The following STRA6 variants were observed in gnomAD, a reference collection of about 807,000 sequenced individuals.
STRA6 encodes the protein signaling receptor and transporter of retinol STRA6.
STRA6 carries 48 observed loss-of-function variants against 83.6 expected under a neutral mutation model. The ratio of observed to expected loss-of-function variants is 0.57; its 90% CI spans 0.46 to 0.73. The LOEUF (loss-of-function observed/expected upper bound fraction) is 0.73, where lower values mean the gene tolerates loss of function less well. Ranked by LOEUF, STRA6 falls within the 30% of genes least tolerant of loss-of-function variation. The probability of loss-of-function intolerance (pLI) is 0.00; values close to 1 mark genes in which losing one functional copy is unlikely to be tolerated. For missense variants in STRA6, 760 were observed against 838.8 expected, an observed-to-expected ratio of 0.91 and a Z score of 1.16; for synonymous variants, 353 against 362.3, an observed-to-expected ratio of 0.97 and a Z score of 0.29.
At chr15:74,209,283 A>C (rs1041310545), upstream of STRA6, 1 of 1,329,224 alleles carries the variant, frequency 7.5e-7, no homozygotes, top group Non-Finnish European at 1.0e-6. Flanking sequence ...ACCTCAGTGG[A>C]GAAGCCTGCA....
rs1433785895 is a variant in STRA6, at chr15:74,193,850, G to C, written c.670C>G (p.Pro224Ala). Residue 224 changes from proline to alanine, a missense_variant, in exon 8 of 19, where the codon CCT becomes GCT. Physicochemically the swap from Pro to Ala is conservative, Grantham distance 27. Coordinates refer to ENST00000395105, the MANE Select transcript of STRA6 (RefSeq NM_022369.4). ...LGLGFLSLWY[P>A]VQLVRSFSRR... ...CTGAAGCTTCTCACCAGCTGCACAG[G>C]GTACCAAAGGCTCAGGAATCCGAGG... The C allele has an allele frequency of 2.5e-6, 4 of 1,613,810 alleles. No homozygotes were observed. The African/African-American group carries it at 5.3e-5, about 22-fold the overall frequency.
chr15:74,184,921 C>A (rs1405251287), intron 13 of STRA6, 59 bp downstream of exon 13: 12 of 1,565,100 alleles, frequency 7.7e-6, no homozygotes, highest in Non-Finnish European at 1.1e-5. Context: ...CCCGCAGGCC[C>A]ACAGGACTCC....
At chr15:74,202,465 G>A (rs2074120495) in intron 1 of STRA6, 183 bp from the exon 2 acceptor site, 1 of 1,535,986 alleles carries the variant, frequency 6.5e-7, no homozygotes. Flanking sequence ...GCCTGAGCAA[G>A]CTGGCACGGG....
At chr15:74,182,736 C>G (rs374100216) in intron 14 of STRA6, 8 of 456,358 alleles carry the variant, frequency 1.8e-5, no homozygotes, top group African/African-American at 1.2e-4. Flanking sequence ...TCACAAAATA[C>G]TTTGCAAATG....
At chr15:74,205,778 T>C (rs1179098679), upstream of STRA6, among the ~76,000 whole-genome samples, 5 of 152,042 alleles carry the variant, frequency 3.3e-5, no homozygotes, top group Non-Finnish European at 5.9e-5. Context: ...GTGCCAACAA[T>C]ACCACCTCCC....
At chr15:74,202,460 A>C in intron 1 of STRA6, 178 bp from the exon 2 acceptor site, 3 of 1,536,128 alleles carry the variant, frequency 2.0e-6, no homozygotes, top group South Asian at 2.4e-5. Flanking sequence ...TGAGGGCCTG[A>C]GCAAGCTGGC....
upstream of STRA6, among the ~76,000 whole-genome samples, chr15:74,204,334 C>A (rs1441753601): frequency 1.3e-5 from 2 of 152,218 alleles, no homozygotes; most frequent in African/African-American, 2.4e-5. Context: ...AGAGGGACTT[C>A]AGAAATTGAG....
chr15:74,203,038 C>T, upstream of STRA6: 1 of 985,940 alleles, frequency 1.0e-6, no homozygotes, highest in Non-Finnish European at 1.2e-6. Flanking sequence ...TCCCAAGCCC[C>T]TGCCCGCCAC....
At chr15:74,201,779 T>C (rs1221822744) in intron 2 of STRA6, among the ~76,000 whole-genome samples, 1 of 152,094 alleles carries the variant, frequency 6.6e-6, no homozygotes, top group African/African-American at 2.4e-5. Flanking sequence ...CAGAGACCAA[T>C]AACCCCTTGA....
chr15:74,211,434 C>T (rs1390336058), upstream of STRA6, among the ~76,000 whole-genome samples: 2 of 114,884 alleles, frequency 1.7e-5, no homozygotes, highest in East Asian at 5.8e-4. Flanking sequence ...GAGTTTGGCT[C>T]TTGTTGCCCA....
upstream of STRA6, among the ~76,000 whole-genome samples, chr15:74,205,792 T>G (rs559716666): frequency 6.6e-6 from 1 of 152,114 alleles, no homozygotes; most frequent in South Asian, 2.1e-4. Flanking sequence ...ACCTCCCTCC[T>G]CATGGGAAGA....
In STRA6 at chr15:74,182,437, A is replaced by T. The variant is rs1020820617; in HGVS notation, c.1324T>A (p.Phe442Ile). 2 of 1,610,744 alleles carry T rather than the reference A, an allele frequency of 1.2e-6. No homozygotes were observed. The highest frequency in any genetic ancestry group is 1.7e-5 in the Admixed American group (1 of 59,550). Reference sequence around the variant, plus strand: ...GCCAGGGCCGTGGTTCCCAGGAAGAAGATGATCTGCTGCACCAGGAGCCCT... The same window carrying T: ...GCCAGGGCCGTGGTTCCCAGGAAGATGATGATCTGCTGCACCAGGAGCCCT... ...CLGLLVQQII[F>I]FLGTTALAFL... Residue 442 changes from phenylalanine to isoleucine, a missense_variant, in exon 15 of 19, where the codon TTC (phenylalanine) becomes ATC (isoleucine). Transcript: ENST00000395105.
Position 74,193,591 on chromosome 15 carries a change from C to T in STRA6, c.720+209G>A, listed in dbSNP as rs886517057. ...TCCCTACTATTCACACAGCCCAGTG[C>T]CGCGGGTATCCTGGGTGCCAGTCAA... is the stretch of plus-strand genomic sequence containing the variant. On this transcript the variant is annotated intron_variant, in intron 8 of 18. Transcript: ENST00000395105. Among the ~76,000 whole-genome samples, 2 of 152,322 alleles carry T rather than the reference C, an allele frequency of 1.3e-5. 1 individual carries two copies. Among genetic ancestry groups the T allele is most frequent in the South Asian group, 4.1e-4 (2 of 4,830 alleles).
chr15:74,211,583 T>C (rs970849397), upstream of STRA6, among the ~76,000 whole-genome samples: 2 of 152,050 alleles, frequency 1.3e-5, no homozygotes, highest in Non-Finnish European at 2.9e-5. Context: ...TTTGTATTTT[T>C]AGTAGAGATG....
At chr15:74,181,230 G>C in intron 17 of STRA6, 65 bp downstream of exon 17, 1 of 1,597,480 alleles carries the variant, frequency 6.3e-7, no homozygotes, top group South Asian at 1.1e-5. Flanking sequence ...CCTGGGGCAG[G>C]GCAGATGCCT....
chr15:74,182,988 C>T (rs753243278), intron 14 of STRA6: 1 of 174,416 alleles, frequency 5.7e-6, no homozygotes, highest in Admixed American at 5.4e-5. Context: ...CTTTACCATC[C>T]TTCTCCTCCC....
At chr15:74,201,892 T>G (rs1200977160) in intron 2 of STRA6, among the ~76,000 whole-genome samples, 1 of 152,164 alleles carries the variant, frequency 6.6e-6, no homozygotes, top group Non-Finnish European at 1.5e-5. Context: ...TCATCTGTAT[T>G]TTTAACACGT....
Position 74,195,628 on chromosome 15 carries a change from A to C in STRA6, c.430+24T>G. On this transcript the variant is annotated intron_variant, in intron 6 of 18. Transcript: ENST00000395105. ...CAAATCCAGGCTCTGACTAGTCTCAACTCTGTGATCTTGGGCAAGTTACCT... is the reference window on the plus strand; with the variant it reads ...CAAATCCAGGCTCTGACTAGTCTCACCTCTGTGATCTTGGGCAAGTTACCT... 3 of 1,544,002 alleles carry C rather than the reference A, an allele frequency of 1.9e-6. No homozygotes were observed. Among genetic ancestry groups the C allele is most frequent in the South Asian group, 1.2e-5 (1 of 83,918 alleles).
At chr15:74,202,832 C>T, upstream of STRA6, 1 of 1,076,134 alleles carries the variant, frequency 9.3e-7, no homozygotes, top group African/African-American at 1.7e-5. Flanking sequence ...CTCCCCCAGC[C>T]TCAGCCTGCC....
Sources: allele counts gnomAD v4.1 joint callset (sites outside exome capture counted in the v4.1 genomes callset), GRCh38; gene constraint gnomAD v4.1.1; transcripts MANE v1.5; gene names NCBI Gene and HGNC (gene_info 2026-07-23, HGNC 2026-07-21).